Variants in TMEM192 observed in about 807,000 individuals in gnomAD.
TMEM192 encodes the protein transmembrane protein 192.
TMEM192 carries 20 observed loss-of-function variants against 26.7 expected under a neutral mutation model. The observed-to-expected ratio is 0.75, with a 90% CI of 0.53 to 1.09. TMEM192 has a LOEUF of 1.09. TMEM192 is among the 50% of genes least tolerant of loss of function. The pLI is 0.00. For synonymous variants in TMEM192, 124 were observed against 121.0 expected, an observed-to-expected ratio of 1.02 and a Z score of -0.16; for missense variants, 304 against 322.6, an observed-to-expected ratio of 0.94 and a Z score of 0.44.
rs951334962 is a variant in TMEM192 at position 165,070,928 on chromosome 4, A to G, written c.*8730T>C. The G allele has an allele frequency of 1.3e-5, 2 of 152,240 alleles. No individual in the cohort carries two copies. The highest frequency in any genetic ancestry group is 1.3e-4 in the Admixed American group (2 of 15,278). The allele number at this position is 152,240 out of a possible 1,614,324, so 9.4% of individuals were successfully genotyped here. ...GTAGTAAGCAAAAGATAGAGCTTACATTCTATCAGGAGACACAGACAAAGT... is the reference window on the plus strand; with the variant it reads ...GTAGTAAGCAAAAGATAGAGCTTACGTTCTATCAGGAGACACAGACAAAGT... On this transcript the variant is annotated 3_prime_UTR_variant, in exon 6 of 6. Transcript: ENST00000306480.
chr4:165,098,613 G>A (rs1000438743), intron 3 of TMEM192, among the ~76,000 whole-genome samples: 9 of 151,790 alleles, frequency 5.9e-5, no homozygotes, highest in African/African-American at 1.9e-4. Flanking sequence ...TGCCCAGCCT[G>A]GATTCAAAAA....
chr4:165,077,217 T>C lies in TMEM192; in HGVS notation c.*2441A>G, dbSNP rs1223721474. 2 of 152,244 alleles carry C rather than the reference T, an allele frequency of 1.3e-5. No individual in the cohort carries two copies. The highest frequency in any genetic ancestry group is 4.8e-5 in the African/African-American group (2 of 41,478). 9.4% of individuals were successfully genotyped at this position (152,244 alleles called of 1,614,324 possible). The stretch of plus-strand genomic sequence containing the variant: ...ACATGTTGATGATTACATAAGAACA[T>C]AGGCACCCTAACTTTTTAACTACAC... On this transcript the variant is annotated 3_prime_UTR_variant, in exon 6 of 6. Transcript: ENST00000306480.
rs1734401241 is a variant in TMEM192 at position 165,077,133 on chromosome 4, A to C, written c.*2525T>G. On this transcript the variant is annotated 3_prime_UTR_variant, in exon 6 of 6. Transcript: ENST00000306480. ...ACTTCTGATACTTAGTTTCATTTTCATTTATTGTTTGAAATGTTCATCATT... is the reference window on the plus strand; with the variant it reads ...ACTTCTGATACTTAGTTTCATTTTCCTTTATTGTTTGAAATGTTCATCATT... 1 of 152,146 alleles carries C rather than the reference A, an allele frequency of 6.6e-6. No homozygotes were observed. The highest frequency in any genetic ancestry group is 6.5e-5 in the Admixed American group (1 of 15,270). The allele number at this position is 152,146 out of a possible 1,614,324, so 9.4% of individuals were successfully genotyped here. A position where few individuals can be genotyped will look rare whatever the true frequency, so the allele number is the denominator to read the frequency against.
chr4:165,102,895 T>G, intron 2 of TMEM192, 55 bp downstream of exon 2: 1 of 1,512,938 alleles, frequency 6.6e-7, no homozygotes, highest in Non-Finnish European at 8.9e-7. Flanking sequence ...GAAACACTTA[T>G]ATAATTTTTA....
intron 2 of TMEM192, 61 bp downstream of exon 2, chr4:165,102,889 C>A: frequency 7.0e-7 from 1 of 1,435,646 alleles, no homozygotes; most frequent in Non-Finnish European, 9.3e-7. Context: ...CCCTCTGAAA[C>A]ACTTATATAA....
chr4:165,105,597 A>G (rs1404939655), intron 1 of TMEM192, among the ~76,000 whole-genome samples: 2 of 152,232 alleles, frequency 1.3e-5, no homozygotes, highest in African/African-American at 4.8e-5. Flanking sequence ...ACGCACAGAG[A>G]GCACTCAATA....
intron 3 of TMEM192, among the ~76,000 whole-genome samples, chr4:165,097,805 C>CTTAT (rs937165980): frequency 6.6e-6 from 1 of 150,692 alleles, no homozygotes; most frequent in Non-Finnish European, 1.5e-5. Context: ...TTTTATTTTA[C>CTTAT]TTATTTATTT....
At position 165,077,126 on chromosome 4, in the gene TMEM192, C is replaced by T. The variant is rs1734401070; in HGVS notation, c.*2532G>A. 6.6e-6 allele frequency: 1 copy of T among 152,132 alleles called. No homozygotes were observed. Among genetic ancestry groups the T allele is most frequent in the African/African-American group, 2.4e-5 (1 of 41,452 alleles). 9.4% of individuals were successfully genotyped at this position (152,132 alleles called of 1,614,324 possible). On this transcript the variant is annotated 3_prime_UTR_variant, in exon 6 of 6. Coordinates refer to ENST00000306480, the MANE Select transcript of TMEM192 (RefSeq NM_001100389.2). Reference sequence around the variant, plus strand: ...TTTTGCTACTTCTGATACTTAGTTTCATTTTCATTTATTGTTTGAAATGTT... The same window carrying T: ...TTTTGCTACTTCTGATACTTAGTTTTATTTTCATTTATTGTTTGAAATGTT...
chr4:165,092,087 A>G (rs911180457), intron 3 of TMEM192, among the ~76,000 whole-genome samples: 1 of 148,082 alleles, frequency 6.8e-6, no homozygotes, highest in Admixed American at 6.7e-5. Context: ...CCTTTCTCAC[A>G]ATGCTGTTCT....
Position 165,079,713 on chromosome 4 carries a change from T to C in TMEM192, c.761A>G (p.Lys254Arg). ...YLKRHNALLS[K>R]RLLALTSSDL... is the part of the protein sequence containing the mutation. ...TGAGGAAGTGAGAGCCAACAATCGC[T>C]TACTCAGCAGCGCATTGTGTCGCTT... The change falls in exon 6 of 6, where the codon AAG becomes AGG. Residue 254 changes from lysine (K) to arginine (R), a missense_variant. Lys to Arg is a conservative substitution (Grantham distance 26). Coordinates refer to ENST00000306480, the MANE Select transcript of TMEM192 (RefSeq NM_001100389.2). The C allele has an allele frequency of 6.2e-7, 1 of 1,614,050 alleles. No individual in the cohort carries two copies. Among genetic ancestry groups the C allele is most frequent in the Non-Finnish European group, 8.5e-7 (1 of 1,179,964 alleles).
At position 165,075,295 on chromosome 4, in the gene TMEM192, A is replaced by G. The variant is rs28493629; in HGVS notation, c.*4363T>C. The G allele has an allele frequency of 0.84, 125,895 of 150,316 alleles. 53,865 individuals carry two copies. Among genetic ancestry groups the G allele is most frequent in the East Asian group, 0.95 (4,835 of 5,114 alleles). The allele number at this position is 150,316 out of a possible 1,614,324, so 9.3% of individuals were successfully genotyped here. Reference sequence around the variant, plus strand: ...TCGCTCTGCTCTGTCGCCAGGCTGGAGTGCAGTGGCACCATCTTGGTTCAC... The same window carrying G: ...TCGCTCTGCTCTGTCGCCAGGCTGGGGTGCAGTGGCACCATCTTGGTTCAC... On this transcript the variant is annotated 3_prime_UTR_variant, in exon 6 of 6. Coordinates refer to ENST00000306480, the MANE Select transcript of TMEM192 (RefSeq NM_001100389.2).
chr4:165,104,042 G>T (rs1168160136), intron 1 of TMEM192, among the ~76,000 whole-genome samples: 1 of 152,186 alleles, frequency 6.6e-6, no homozygotes, highest in Non-Finnish European at 1.5e-5. Context: ...AGAATCACTT[G>T]GACCCAGGAG....
intron 1 of TMEM192, among the ~76,000 whole-genome samples, chr4:165,112,320 G>T (rs1376357774): frequency 2.6e-5 from 4 of 152,130 alleles, no homozygotes; most frequent in African/African-American, 4.8e-5. Context: ...AGGGAGATTC[G>T]CCCCCTGTGC....
chr4:165,095,621 G>A (rs1170234040), intron 3 of TMEM192, among the ~76,000 whole-genome samples: 1 of 152,114 alleles, frequency 6.6e-6, no homozygotes, highest in African/African-American at 2.4e-5. Context: ...CATGTCCTCA[G>A]CCTCTGGCTT....
At chr4:165,080,741 G>T (rs1346146408) in intron 5 of TMEM192, among the ~76,000 whole-genome samples, 2 of 152,112 alleles carry the variant, frequency 1.3e-5, no homozygotes, top group East Asian at 1.9e-4. Context: ...TTGAGACAGA[G>T]TCTAGCTCTG....
intron 3 of TMEM192, among the ~76,000 whole-genome samples, chr4:165,091,116 A>C (rs1734752674): frequency 6.6e-6 from 1 of 151,350 alleles, no homozygotes; most frequent in African/African-American, 2.4e-5. Flanking sequence ...ATACGAAAAA[A>C]ATTAGCCAGG....
chr4:165,080,488 G>T (rs1202250186), intron 5 of TMEM192, among the ~76,000 whole-genome samples: 4 of 151,980 alleles, frequency 2.6e-5, no homozygotes. Context: ...TTTTAATGTT[G>T]ACTAAAAATT....
At chr4:165,089,040 CAAAAAAAAAA>C (rs56000323) in intron 3 of TMEM192, among the ~76,000 whole-genome samples, 3 of 47,290 alleles carry the variant, frequency 6.3e-5, no homozygotes, top group Non-Finnish European at 1.0e-4. Flanking sequence ...GACCCTACTG[CAAAAAAAAAA>C]AAAAAAAAAA....
intron 1 of TMEM192, among the ~76,000 whole-genome samples, chr4:165,107,743 T>C (rs985181940): frequency 1.3e-5 from 2 of 152,170 alleles, no homozygotes; most frequent in Admixed American, 6.6e-5. Context: ...GCTCTACTTA[T>C]TCTTCCCCAC....
Sources: allele counts gnomAD v4.1 joint callset (sites outside exome capture counted in the v4.1 genomes callset), GRCh38; gene constraint gnomAD v4.1.1; transcripts MANE v1.5; gene names NCBI Gene and HGNC (gene_info 2026-07-23, HGNC 2026-07-21).